The following TAFAZZIN variants were observed in gnomAD, a reference collection of about 807,000 sequenced individuals.
TAFAZZIN encodes the protein tafazzin, phospholipid-lysophospholipid transacylase, also known as protein G4.5.
A neutral mutation model predicts 27.3 loss-of-function variants in TAFAZZIN; 6 were observed. That is an observed-to-expected ratio of 0.22 (90% confidence interval 0.12 to 0.43). The LOEUF is 0.43. Among genes scored for constraint, TAFAZZIN ranks in the 20% least tolerant of loss-of-function variants. TAFAZZIN has a pLI of 1.00. For synonymous variants in TAFAZZIN, 79 were observed against 96.2 expected (o/e 0.82, Z 1.04); for missense variants, 127 against 244.5 (o/e 0.52, Z 3.21).
chrX:154,412,050 C>A (rs1557190998), intron 1 of TAFAZZIN, 36 bp from the exon 2 acceptor site: 1 of 1,208,587 alleles, frequency 8.3e-7, no homozygotes, highest in Non-Finnish European at 1.1e-6. Context: ...ACCTAGCGGG[C>A]GAGCCCGGAG....
At position 154,411,980 on chromosome X, in the gene TAFAZZIN, C is replaced by T. The variant is rs397515736; in HGVS notation, c.109+28C>T. ...GAGTGGGCCCAGGCCGAGGCAGGCCCGCCCGGGTACCCATGCCCGGCCGGA... is the reference window on the plus strand; with the variant it reads ...GAGTGGGCCCAGGCCGAGGCAGGCCTGCCCGGGTACCCATGCCCGGCCGGA... On this transcript the variant is annotated intron_variant, in intron 1 of 10. Coordinates refer to ENST00000601016, the MANE Select transcript of TAFAZZIN (RefSeq NM_000116.5). The T allele has an allele frequency of 1.3e-5, 16 of 1,198,178 alleles. No individual in the cohort carries two copies. The East Asian group carries it at 3.0e-4, about 22-fold the overall frequency.
chrX:154,420,759 G>A (rs377182779), intron 10 of TAFAZZIN, 24 bp downstream of exon 10: 16 of 1,206,260 alleles, frequency 1.3e-5, no homozygotes, highest in South Asian at 1.8e-5. Flanking sequence ...TGGGTCCCCC[G>A]TAGCTGTCCC....
intron 5 of TAFAZZIN, chrX:154,419,319 C>T (rs1019792661): frequency 4.5e-5 from 20 of 440,186 alleles, no homozygotes; most frequent in Middle Eastern, 6.2e-4. Context: ...GCCCTGGAGA[C>T]GGTCATTGGA....
At chrX:154,419,772 A>G (rs782309999) in intron 7 of TAFAZZIN, 26 bp downstream of exon 7, 9 of 1,211,711 alleles carry the variant, frequency 7.4e-6, no homozygotes, top group Middle Eastern at 2.4e-4. Flanking sequence ...CTCTGGCCAC[A>G]GCCATCCTCC....
chrX:154,419,823 C>G (rs901321983), intron 7 of TAFAZZIN, 77 bp downstream of exon 7: 3 of 1,179,891 alleles, frequency 2.5e-6, no homozygotes, highest in African/African-American at 3.5e-5. Context: ...CTCCCGCCCC[C>G]TCGGGCTGGC....
chrX:154,419,182 T>C lies in TAFAZZIN; in HGVS notation c.461-361T>C, dbSNP rs1306089267. On this transcript the variant is annotated intron_variant, in intron 5 of 10. Coordinates refer to ENST00000601016, the MANE Select transcript of TAFAZZIN (RefSeq NM_000116.5). ...GGTGAGCCACTGAAGATGGGGGTCA[T>C]AGGTAGATGGAGGAATTGCCAGGTC... 2.5e-5 allele frequency: 7 copies of C among 278,890 alleles called. No individual in the cohort carries two copies. In the East Asian group the frequency reaches 5.4e-4, roughly 22 times the overall value. The allele number at this position is 278,890 out of a possible 1,213,427, so 23.0% of individuals were successfully genotyped here. A position where few individuals can be genotyped will look rare whatever the true frequency, so the allele number is the denominator to read the frequency against.
chrX:154,414,691 CAA>C (rs35339645), intron 5 of TAFAZZIN, among the ~76,000 whole-genome samples: 3 of 54,165 alleles, frequency 5.5e-5, no homozygotes, highest in Non-Finnish European at 3.4e-5. Flanking sequence ...GACTCCGTCT[CAA>C]AAAAAAAAAA....
intron 2 of TAFAZZIN, chrX:154,412,428 A>C: frequency 2.1e-6 from 1 of 477,556 alleles, no homozygotes; most frequent in Non-Finnish European, 3.5e-6. Context: ...ATGGAGCAGG[A>C]CCAAGGAACG....
At chrX:154,412,253 G>A (rs1557191219) in intron 2 of TAFAZZIN, 39 bp downstream of exon 2, 1 of 1,179,091 alleles carries the variant, frequency 8.5e-7, no homozygotes, top group Non-Finnish European at 1.1e-6. Context: ...GAGGAAAGGC[G>A]AGGATTCGGG....
chrX:154,421,293 T>A lies in TAFAZZIN; in HGVS notation c.*289T>A, dbSNP rs1389500606. The A allele has an allele frequency of 2.3e-6, 1 of 440,175 alleles. No homozygotes were observed. The highest frequency in any genetic ancestry group is 2.4e-5 in the African/African-American group (1 of 42,196). The allele number at this position is 440,175 out of a possible 1,213,427, so 36.3% of individuals were successfully genotyped here. On this transcript the variant is annotated 3_prime_UTR_variant, in exon 11 of 11. Transcript: ENST00000601016. ...CAGGGGCTGGCTTCAGGAGGGAGCA[T>A]AGAAGGCAGGTGAGCAACCAGTTGG...
chrX:154,414,159 C>G lies in TAFAZZIN; in HGVS notation c.429C>G (p.His143Gln). ...EGKGVLDTGR[H>Q]MPGAGKRREK... ...AAGGTGTTCTAGACACAGGCAGGCA[C>G]ATGCCAGGTGCTGGAAAAAGAAGAG... Residue 143 changes from histidine to glutamine, a missense_variant, in exon 5 of 11, where the codon CAC becomes CAG. His to Gln is a conservative substitution (Grantham distance 24, BLOSUM62 0). Transcript: ENST00000601016. 1.2e-5 allele frequency: 15 copies of G among 1,209,782 alleles called. No individual in the cohort carries two copies. Among genetic ancestry groups the G allele is most frequent in the Non-Finnish European group, 1.7e-5 (15 of 894,499 alleles).
chrX:154,414,685 C>G (rs2068429754), intron 5 of TAFAZZIN, among the ~76,000 whole-genome samples: 1 of 86,335 alleles, frequency 1.2e-5, no homozygotes, highest in African/African-American at 4.5e-5. Flanking sequence ...GAGTGAGACT[C>G]CGTCTCAAAA....
chrX:154,413,987 T>G (rs2068405681), intron 4 of TAFAZZIN, 114 bp from the exon 5 acceptor site: 1 of 552,010 alleles, frequency 1.8e-6, no homozygotes, highest in African/African-American at 2.3e-5. Context: ...GGGGCCATTT[T>G]GATCCCTATT....
At chrX:154,413,094 G>C (rs998770689) in intron 2 of TAFAZZIN, 113 bp from the exon 3 acceptor site, 9 of 1,061,059 alleles carry the variant, frequency 8.5e-6, no homozygotes, top group African/African-American at 1.8e-5. Flanking sequence ...ATGCCACTTT[G>C]GGCTGTAGGG....
intron 5 of TAFAZZIN, among the ~76,000 whole-genome samples, chrX:154,416,994 G>A (rs1261337595): frequency 9.0e-6 from 1 of 111,157 alleles, no homozygotes; most frequent in Non-Finnish European, 1.9e-5. Context: ...AATTAGCAGC[G>A]CATGGTGGCA....
At chrX:154,414,663 GC>G (rs2068429124) in intron 5 of TAFAZZIN, among the ~76,000 whole-genome samples, 1 of 99,598 alleles carries the variant, frequency 1.0e-5, no homozygotes, top group Non-Finnish European at 2.0e-5. Flanking sequence ...CTGCACTCCA[GC>G]CTGGGTGACA....
At chrX:154,417,103 C>A (rs781845529) in intron 5 of TAFAZZIN, among the ~76,000 whole-genome samples, 1 of 108,949 alleles carries the variant, frequency 9.2e-6, no homozygotes, top group South Asian at 4.0e-4. Flanking sequence ...CCACTGCACT[C>A]CAGCCTGGGC....
At chrX:154,412,238 A>G (rs1557191190) in intron 2 of TAFAZZIN, 24 bp downstream of exon 2, 1 of 1,186,900 alleles carries the variant, frequency 8.4e-7, no homozygotes, top group East Asian at 3.0e-5. Flanking sequence ...TGTGCTGGGC[A>G]GGGGGAGGAA....
chrX:154,419,777 T>C, intron 7 of TAFAZZIN, 31 bp downstream of exon 7: 1 of 1,211,351 alleles, frequency 8.3e-7, no homozygotes, highest in Non-Finnish European at 1.1e-6. Context: ...GCCACAGCCA[T>C]CCTCCCGGCC....
Sources: allele counts gnomAD v4.1 joint callset (sites outside exome capture counted in the v4.1 genomes callset), GRCh38; gene constraint gnomAD v4.1.1; transcripts MANE v1.5; gene names NCBI Gene and HGNC (gene_info 2026-07-23, HGNC 2026-07-21).